ZNF827: variants seen among roughly 807,000 people sequenced by gnomAD.
ZNF827 encodes zinc finger protein 827.
ZNF827 carries 13 observed loss-of-function variants against 102.4 expected under a neutral mutation model. That is an observed-to-expected ratio of 0.13 (90% CI 0.08 to 0.20). The LOEUF (loss-of-function observed/expected upper bound fraction) is 0.20. Ranked by LOEUF, ZNF827 falls within the 10% of genes least tolerant of loss-of-function variation. The pLI is 1.00. For missense variants in ZNF827, 1,103 were observed against 1,344.4 expected (o/e 0.82, Z 2.81); for synonymous variants, 523 against 536.2 (o/e 0.98, Z 0.34).
chr4:145,876,803 C>T (rs1366940190), intron 4 of ZNF827: 1 of 152,126 alleles, frequency 6.6e-6, no homozygotes, highest in Non-Finnish European at 1.5e-5. Context: ...AGGGCAGTTG[C>T]CAAATGTTGT....
At chr4:145,878,232 T>A (rs1749324702) in intron 4 of ZNF827, among the ~76,000 whole-genome samples, 1 of 152,022 alleles carries the variant, frequency 6.6e-6, no homozygotes, top group Non-Finnish European at 1.5e-5. Flanking sequence ...CTCTTTACAG[T>A]GTGACTTTGT....
intron 11 of ZNF827, among the ~76,000 whole-genome samples, chr4:145,767,188 TAAGTA>T (rs2126881845): frequency 6.6e-6 from 1 of 152,306 alleles, no homozygotes; most frequent in South Asian, 2.1e-4. Flanking sequence ...TTCAAGAAGT[TAAGTA>T]GAGACATGGA....
In ZNF827 at chr4:145,885,830, A is replaced by G; in HGVS notation, c.1595T>C (p.Leu532Pro). 6.2e-7 allele frequency: 1 copy of G among 1,614,186 alleles called. No individual in the cohort carries two copies. The highest frequency in any genetic ancestry group is 8.5e-7 in the Non-Finnish European group (1 of 1,180,002). The change falls in exon 4 of 15, where the codon CTG becomes CCG. Residue 532 changes from leucine (L) to proline (P), a missense_variant. By Grantham distance (98) the Leu-to-Pro change is moderately conservative. This residue lies in a region of ZNF827 where 157 missense variants were observed against 211.7 expected (regional missense o/e 0.74). Transcript: ENST00000508784. Reference sequence around the variant, plus strand: ...AGCATTCAAAGTAAAGGAGGTGGGCAGGCCGTTATCTTCCTTGGGTTCCTC... The same window carrying G: ...AGCATTCAAAGTAAAGGAGGTGGGCGGGCCGTTATCTTCCTTGGGTTCCTC... ...VKEEPKEDNGLPTSFTLNAAD... is the reference protein window; with the variant it reads ...VKEEPKEDNGPPTSFTLNAAD...
chr4:145,761,653 G>C lies in ZNF827; in HGVS notation c.*18-55C>G. On this transcript the variant is annotated intron_variant, in intron 14 of 14. Coordinates refer to ENST00000508784, the MANE Select transcript of ZNF827 (RefSeq NM_001306215.2). The surrounding 1 kb of genome is among the most constrained non-coding windows in gnomAD (Gnocchi z 6.8). Reference sequence around the variant, plus strand: ...CAGCCGGGAAGGTTCGGAGGCAGCCGCGCTTCTCGCCGCCTCACCAGCCTT... The same window carrying C: ...CAGCCGGGAAGGTTCGGAGGCAGCCCCGCTTCTCGCCGCCTCACCAGCCTT... The C allele has an allele frequency of 9.2e-7, 1 of 1,091,032 alleles. No homozygotes were observed. Among genetic ancestry groups the C allele is most frequent in the African/African-American group, 1.6e-5 (1 of 61,686 alleles). The allele number at this position is 1,091,032 out of a possible 1,614,324, so 67.6% of individuals were successfully genotyped here.
chr4:145,770,031 C>A (rs1330848234), intron 11 of ZNF827, among the ~76,000 whole-genome samples: 1 of 152,192 alleles, frequency 6.6e-6, no homozygotes, highest in Non-Finnish European at 1.5e-5. Context: ...GGTGCCGTGG[C>A]TCACGCCTGT....
Position 145,845,937 on chromosome 4 carries a change from C to A in ZNF827, c.2279+19G>T, listed in dbSNP as rs1745886813. The stretch of plus-strand genomic sequence containing the variant: ...GCCCACACGGGGTGTTCTGGAGGAA[C>A]CCACACAAAGTCGCCTACCTGGTCG... On this transcript the variant is annotated intron_variant, in intron 7 of 14. Transcript: ENST00000508784. The A allele has an allele frequency of 3.7e-6, 6 of 1,614,048 alleles. No homozygotes were observed. Among genetic ancestry groups the A allele is most frequent in the Middle Eastern group, 1.6e-4 (1 of 6,062 alleles).
At chr4:145,810,605 T>C (rs1741914330) in intron 8 of ZNF827, among the ~76,000 whole-genome samples, 1 of 152,246 alleles carries the variant, frequency 6.6e-6, no homozygotes. Flanking sequence ...ATACAAGCTA[T>C]TATGTACACA....
intron 11 of ZNF827, among the ~76,000 whole-genome samples, chr4:145,766,846 T>C (rs1005012223): frequency 2.6e-5 from 4 of 152,028 alleles, no homozygotes; most frequent in Non-Finnish European, 4.4e-5. Context: ...CTAAGAAAGG[T>C]CTCTTAGTAG....
At chr4:145,871,279 A>G (rs754314287) in intron 4 of ZNF827, among the ~76,000 whole-genome samples, 1 of 152,208 alleles carries the variant, frequency 6.6e-6, no homozygotes, top group Non-Finnish European at 1.5e-5. Context: ...ACTATGAGCT[A>G]AACTCTAGAT....
chr4:145,822,408 T>C (rs1022189177), intron 8 of ZNF827, among the ~76,000 whole-genome samples: 1 of 151,422 alleles, frequency 6.6e-6, no homozygotes, highest in African/African-American at 2.4e-5. Context: ...ATATTTCAGA[T>C]GTCACTGCAT....
chr4:145,792,417 A>G (rs576427834), intron 8 of ZNF827, among the ~76,000 whole-genome samples: 1 of 152,338 alleles, frequency 6.6e-6, no homozygotes, highest in East Asian at 1.9e-4. Context: ...ACTACTGTCA[A>G]TATAAATAAA....
chr4:145,814,611 A>T (rs547448147), intron 8 of ZNF827, among the ~76,000 whole-genome samples: 1 of 150,954 alleles, frequency 6.6e-6, no homozygotes, highest in Non-Finnish European at 1.5e-5. Context: ...CCTCCTAACA[A>T]ACAAACAAAC....
chr4:145,892,208 G>T, intron 3 of ZNF827, 35 bp downstream of exon 3: 1 of 1,576,174 alleles, frequency 6.3e-7, no homozygotes, highest in Non-Finnish European at 8.6e-7. Context: ...GGCTGTGCCT[G>T]CCTCTCCAGG....
chr4:145,833,937 G>A (rs566764690), intron 7 of ZNF827, among the ~76,000 whole-genome samples: 15 of 144,714 alleles, frequency 1.0e-4, no homozygotes, highest in African/African-American at 2.1e-4. Context: ...AAGAACCCCC[G>A]AACCCCTTCC....
At chr4:145,862,237 C>G (rs1747800533) in intron 5 of ZNF827, among the ~76,000 whole-genome samples, 1 of 152,194 alleles carries the variant, frequency 6.6e-6, no homozygotes, top group Non-Finnish European at 1.5e-5. Context: ...GAGAAAGAAC[C>G]AAGTTCCAGG....
rs370427705 is a variant in ZNF827, at chr4:145,938,622, CTTT to C, written c.-218_-216del. 290 of 420,336 alleles carry C rather than the reference CTTT, an allele frequency of 6.9e-4. No individual in the cohort carries two copies. Among genetic ancestry groups the C allele is most frequent in the South Asian group, 1.4e-3 (44 of 31,114 alleles). 26.0% of individuals were successfully genotyped at this position (420,336 alleles called of 1,614,324 possible). On this transcript the variant is annotated 5_prime_UTR_variant, in exon 1 of 15. Transcript: ENST00000508784. The stretch of plus-strand genomic sequence containing the variant: ...CTTCTTTTCTTTCCTTTCTTTTTTC[CTTT>C]TTTTTTTTTTTTTAAATTTTTGGTC...
chr4:145,820,561 T>G (rs1346165292), intron 8 of ZNF827, among the ~76,000 whole-genome samples: 1 of 152,244 alleles, frequency 6.6e-6, no homozygotes, highest in Non-Finnish European at 1.5e-5. Context: ...TAAAGCCAGC[T>G]GTCTCCTTTC....
chr4:145,890,454 T>A (rs2126842323), intron 3 of ZNF827, among the ~76,000 whole-genome samples: 1 of 152,304 alleles, frequency 6.6e-6, no homozygotes, highest in African/African-American at 2.4e-5. Context: ...CCAACTCATC[T>A]CCCTGTAGTT....
chr4:145,870,228 T>G lies in ZNF827; in HGVS notation c.1981+17A>C. On this transcript the variant is annotated intron_variant, in intron 5 of 14. Transcript: ENST00000508784. ...TGAAACTATCAGAATGTGAATATTT[T>G]AGAATAAATCAAGTACCTGAGAGTT... is the stretch of plus-strand genomic sequence containing the variant. 1 of 1,611,552 alleles carries G rather than the reference T, an allele frequency of 6.2e-7. No individual in the cohort carries two copies.
Sources: allele counts gnomAD v4.1 joint callset (sites outside exome capture counted in the v4.1 genomes callset), GRCh38; gene constraint gnomAD v4.1.1; regional missense constraint gnomAD v4.1.1; non-coding constraint Gnocchi (gnomAD v3.1); transcripts MANE v1.5; gene names NCBI Gene and HGNC (gene_info 2026-07-23, HGNC 2026-07-21).